Variants in ABI3BP observed in about 807,000 individuals in gnomAD.
ABI3BP encodes target of Nesh-SH3.
Under a neutral mutation model 268.6 loss-of-function variants are expected in ABI3BP, and 216 were observed. The ratio of observed to expected loss-of-function variants is 0.80; its 90% CI spans 0.72 to 0.90. ABI3BP has a LOEUF of 0.90. Ranked by LOEUF, ABI3BP falls within the 40% of genes least tolerant of loss-of-function variation. The probability of loss-of-function intolerance (pLI) is 0.00; values close to 1 mark genes in which losing one functional copy is unlikely to be tolerated. For synonymous variants in ABI3BP, 730 were observed against 730.0 expected (o/e 1.00, Z 0.00); for missense variants, 2,090 against 2,182.4 (o/e 0.96, Z 0.84).
At chr3:100,813,044 C>T (rs1415772520) in intron 45 of ABI3BP, among the ~76,000 whole-genome samples, 1 of 152,070 alleles carries the variant, frequency 6.6e-6, no homozygotes, top group Non-Finnish European at 1.5e-5. Context: ...CTATGCCCAG[C>T]TAATTTTTGT....
At chr3:100,848,644 C>T (rs2098803625) in intron 18 of ABI3BP, among the ~76,000 whole-genome samples, 157 bp downstream of exon 18, 1 of 152,108 alleles carries the variant, frequency 6.6e-6, no homozygotes, top group African/African-American at 2.4e-5. Flanking sequence ...TCAGGCTGGT[C>T]TCAAATTCCT....
Position 100,835,653 on chromosome 3 carries a change from G to A in ABI3BP, c.2139C>T (p.Thr713=), listed in dbSNP as rs1199444379. The A allele has an allele frequency of 1.3e-6, 2 of 1,534,464 alleles. No homozygotes were observed. The highest frequency in any genetic ancestry group is 2.4e-5 in the East Asian group (1 of 40,826). ...TCACAGTTACAGGCTCAATGTCTGT[G>A]GTGGGAACTAACCAAAAGCAATACA... The part of the protein sequence containing the change: ...TEAPSMTIVP[T]TDIEPVTVRT... Residue 713 remains threonine (T), a synonymous_variant, in exon 28 of 68, where the codon ACC becomes ACT. Transcript: ENST00000471714.
At chr3:100,884,914 C>A (rs749111156) in intron 6 of ABI3BP, among the ~76,000 whole-genome samples, 3 of 152,150 alleles carry the variant, frequency 2.0e-5, no homozygotes, top group Non-Finnish European at 4.4e-5. Context: ...ACAGTCATCC[C>A]AGGTGGGGTG....
chr3:100,886,320 A>C lies in ABI3BP; in HGVS notation c.465T>G (p.Phe155Leu). ...CCTTTTCTCGATAGCGAATTGTATA[A>C]AATCTGTTGAATAACCAGAATATAA... is the stretch of plus-strand genomic sequence containing the variant. The part of the protein sequence containing the change: ...TLPSHCPNDR[F>L]YTIRYREKDK... The change falls in exon 5 of 68, where the codon TTT (phenylalanine) becomes TTG (leucine). Residue 155 changes from phenylalanine (F) to leucine (L), a missense_variant. Phe to Leu is a conservative substitution (Grantham distance 22). Coordinates refer to ENST00000471714, the MANE Select transcript of ABI3BP (RefSeq NM_001375547.2). 1 of 1,580,836 alleles carries C rather than the reference A, an allele frequency of 6.3e-7. No homozygotes were observed. The highest frequency in any genetic ancestry group is 8.6e-7 in the Non-Finnish European group (1 of 1,162,948).
rs548869941 is a variant in ABI3BP at position 100,789,531 on chromosome 3, C to T, written c.4025-15G>A. ...TCTGTGTGGCGCTGAAACAGAGGAA[C>T]ACTTTATATTTAATAACCAACAGAC... On this transcript the variant is annotated splice_polypyrimidine_tract_variant and intron_variant, in intron 55 of 67. Coordinates refer to ENST00000471714, the MANE Select transcript of ABI3BP (RefSeq NM_001375547.2). 4.1e-5 allele frequency: 65 copies of T among 1,579,004 alleles called. No individual in the cohort carries two copies. Among genetic ancestry groups the T allele is most frequent in the East Asian group, 9.2e-5 (4 of 43,490 alleles).
At chr3:100,978,015 T>G (rs903998677) in intron 1 of ABI3BP, among the ~76,000 whole-genome samples, 1 of 152,174 alleles carries the variant, frequency 6.6e-6, no homozygotes, top group African/African-American at 2.4e-5. Context: ...CTCTTAAGTT[T>G]TATCAGCTCT....
intron 2 of ABI3BP, chr3:100,911,855 A>T: frequency 4.4e-6 from 7 of 1,600,050 alleles, no homozygotes; most frequent in Middle Eastern, 2.1e-4. Flanking sequence ...GCCTCTCTCT[A>T]AACGTCATGA....
chr3:100,812,390 T>G, intron 46 of ABI3BP, 77 bp downstream of exon 46: 4 of 993,424 alleles, frequency 4.0e-6, no homozygotes, highest in Non-Finnish European at 2.6e-6. Flanking sequence ...TCACAAAGCA[T>G]GAGGACATCC....
chr3:100,773,077 CAAAAAAA>C (rs563600769), intron 61 of ABI3BP, among the ~76,000 whole-genome samples: 1 of 58,098 alleles, frequency 1.7e-5, no homozygotes, highest in Non-Finnish European at 3.7e-5. Flanking sequence ...GAGTCCATCT[CAAAAAAA>C]AAAAAAAAAA....
chr3:100,852,072 C>A (rs1174774468), intron 14 of ABI3BP, 132 bp from the exon 15 acceptor site: 5 of 765,496 alleles, frequency 6.5e-6, no homozygotes, highest in Non-Finnish European at 1.0e-5. Context: ...TACATTTTGG[C>A]TCCAGGCTGC....
chr3:100,982,458 C>T (rs1344380034), intron 1 of ABI3BP, among the ~76,000 whole-genome samples: 1 of 151,606 alleles, frequency 6.6e-6, no homozygotes, highest in East Asian at 1.9e-4. Flanking sequence ...AGAAAAAAAC[C>T]CTAATGTTCA....
At chr3:100,891,551 C>A (rs1023443438) in intron 4 of ABI3BP, among the ~76,000 whole-genome samples, 1 of 152,164 alleles carries the variant, frequency 6.6e-6, no homozygotes, top group African/African-American at 2.4e-5. Flanking sequence ...GCAACCCATG[C>A]AAAGCAACTA....
chr3:100,985,141 CTTTTTTTTTTTTTTT>C (rs1172049956), intron 1 of ABI3BP, among the ~76,000 whole-genome samples: 1 of 79,836 alleles, frequency 1.3e-5, no homozygotes, highest in Non-Finnish European at 2.4e-5. Flanking sequence ...CAGAAAAGCA[CTTTTTTTTTTTTTTT>C]TTTTTTTTTT....
intron 62 of ABI3BP, among the ~76,000 whole-genome samples, chr3:100,766,483 T>C (rs2096275384): frequency 6.6e-6 from 1 of 152,236 alleles, no homozygotes; most frequent in African/African-American, 2.4e-5. Flanking sequence ...TACTTTTCTA[T>C]AGTTCATTAT....
intron 12 of ABI3BP, 112 bp from the exon 13 acceptor site, chr3:100,863,021 T>C: frequency 1.4e-6 from 1 of 700,574 alleles, no homozygotes; most frequent in South Asian, 1.8e-5. Context: ...CAAATCATGT[T>C]AAGAGACCAT....
chr3:100,891,591 G>A (rs371022087), intron 4 of ABI3BP, among the ~76,000 whole-genome samples: 31 of 152,106 alleles, frequency 2.0e-4, no homozygotes, highest in East Asian at 1.5e-3. Flanking sequence ...TTTTGAACTC[G>A]GGTAAGTCAG....
chr3:100,953,145 TC>T (rs2075674377), intron 1 of ABI3BP, among the ~76,000 whole-genome samples: 1 of 152,194 alleles, frequency 6.6e-6, no homozygotes, highest in Non-Finnish European at 1.5e-5. Flanking sequence ...CAATTTTGTC[TC>T]CTGTGCCTAC....
chr3:100,818,692 A>G lies in ABI3BP; in HGVS notation c.3032-111T>C, dbSNP rs1018394566. 1.2e-5 allele frequency: 11 copies of G among 911,452 alleles called. 1 individual carries two copies. In the South Asian group the frequency reaches 1.5e-4, roughly 12 times the overall value. 56.5% of individuals were successfully genotyped at this position (911,452 alleles called of 1,614,324 possible). ...ATTTTAAGAAATTTTCTGAAACTTG[A>G]TACTTGTTATTTGAAGACTTGGCCA... On this transcript the variant is annotated intron_variant, in intron 40 of 67. Transcript: ENST00000471714.
intron 1 of ABI3BP, among the ~76,000 whole-genome samples, chr3:100,964,818 A>G (rs1334859916): frequency 3.3e-5 from 5 of 152,012 alleles, no homozygotes; most frequent in Non-Finnish European, 7.4e-5. Flanking sequence ...GCATCCTCCT[A>G]TTTCTAATTT....
Sources: allele counts gnomAD v4.1 joint callset (sites outside exome capture counted in the v4.1 genomes callset), GRCh38; gene constraint gnomAD v4.1.1; transcripts MANE v1.5; gene names NCBI Gene and HGNC (gene_info 2026-07-23, HGNC 2026-07-21).